The following GBE1 variants were observed in gnomAD, a reference collection of about 807,000 sequenced individuals.
GBE1 encodes 1,4-alpha-glucan-branching enzyme.
A neutral mutation model predicts 88.8 loss-of-function variants in GBE1; 70 were observed. The observed-to-expected ratio is 0.79, with a 90% CI of 0.65 to 0.96. The LOEUF (loss-of-function observed/expected upper bound fraction) is 0.96, where lower values mean the gene tolerates loss of function less well. Among genes scored for constraint, GBE1 ranks in the 40% least tolerant of loss-of-function variants. The pLI is 0.00. For synonymous variants in GBE1, 284 were observed against 300.1 expected, an observed-to-expected ratio of 0.95 and a Z score of 0.56; for missense variants, 872 against 871.0, an observed-to-expected ratio of 1.00 and a Z score of -0.01.
chr3:81,538,554 G>T lies in GBE1; in HGVS notation c.1619-1459C>A, dbSNP rs1489657342. Among the ~76,000 whole-genome samples, 3 of 151,930 alleles carry T rather than the reference G, an allele frequency of 2.0e-5. No individual in the cohort carries two copies. The East Asian group carries it at 5.8e-4, about 29-fold the overall frequency. ...TTAGGATGCTTTAAATTGACACAAG[G>T]AATGTCCCTCTGCTATATTTAAAGG... On this transcript the variant is annotated intron_variant, in intron 12 of 15. Coordinates refer to ENST00000429644, the MANE Select transcript of GBE1 (RefSeq NM_000158.4).
At chr3:81,704,915 C>T (rs1462523649) in intron 2 of GBE1, among the ~76,000 whole-genome samples, 2 of 151,988 alleles carry the variant, frequency 1.3e-5, no homozygotes, top group Admixed American at 1.3e-4. Flanking sequence ...AATGACAATG[C>T]TGACAAGATA....
At chr3:81,652,920 C>A (rs1417102929) in intron 3 of GBE1, among the ~76,000 whole-genome samples, 2 of 152,074 alleles carry the variant, frequency 1.3e-5, no homozygotes, top group Non-Finnish European at 2.9e-5. Context: ...AGTTCAAATT[C>A]CAGTCGGAAA....
At chr3:81,740,967 TA>T (rs1437189515) in intron 1 of GBE1, among the ~76,000 whole-genome samples, 1 of 152,088 alleles carries the variant, frequency 6.6e-6, no homozygotes, top group Admixed American at 6.5e-5. Flanking sequence ...GACAGGGATT[TA>T]AAAGGTTAAG....
chr3:81,520,119 T>C (rs931197116), intron 14 of GBE1, among the ~76,000 whole-genome samples: 6 of 151,556 alleles, frequency 4.0e-5, no homozygotes, highest in East Asian at 1.9e-4. Context: ...AAGGCCTCAG[T>C]CTCTACAACG....
chr3:81,575,390 T>C (rs1396231594), intron 12 of GBE1, among the ~76,000 whole-genome samples: 2 of 152,128 alleles, frequency 1.3e-5, no homozygotes. Flanking sequence ...AAATTCAAAA[T>C]TAGAATACAT....
At chr3:81,760,283 C>T (rs1706660994) in intron 1 of GBE1, among the ~76,000 whole-genome samples, 1 of 152,174 alleles carries the variant, frequency 6.6e-6, no homozygotes, top group African/African-American at 2.4e-5. Context: ...ATAGGAGTTC[C>T]TCAATAAACA....
chr3:81,742,741 G>A (rs545296802), intron 1 of GBE1, among the ~76,000 whole-genome samples: 39 of 152,156 alleles, frequency 2.6e-4, no homozygotes, highest in African/African-American at 8.9e-4. Context: ...AATTGCCCGA[G>A]GACTGTTAGG....
intron 7 of GBE1, among the ~76,000 whole-genome samples, chr3:81,641,010 TGA>T (rs1704670412): frequency 6.6e-6 from 1 of 152,128 alleles, no homozygotes; most frequent in African/African-American, 2.4e-5. Context: ...CAATGATGTA[TGA>T]TCCCTTTTGT....
At chr3:81,750,253 ATAGT>A (rs1237635015) in intron 1 of GBE1, among the ~76,000 whole-genome samples, 3 of 151,968 alleles carry the variant, frequency 2.0e-5, no homozygotes, top group African/African-American at 7.3e-5. Flanking sequence ...ATGAAGACTG[ATAGT>A]TACACATCTT....
chr3:81,609,221 A>G (rs1278435114), intron 7 of GBE1, among the ~76,000 whole-genome samples: 1 of 152,168 alleles, frequency 6.6e-6, no homozygotes, highest in East Asian at 1.9e-4. Context: ...AGTGCCTTTT[A>G]CTGAAAACTC....
At chr3:81,642,659 A>G in intron 7 of GBE1, 122 bp downstream of exon 7, 1 of 670,656 alleles carries the variant, frequency 1.5e-6, no homozygotes, top group East Asian at 2.7e-5. Context: ...CAACAAAAAT[A>G]AATCCAATTA....
chr3:81,698,728 T>C (rs1382685638), intron 2 of GBE1, among the ~76,000 whole-genome samples: 1 of 152,174 alleles, frequency 6.6e-6, no homozygotes, highest in Non-Finnish European at 1.5e-5. Flanking sequence ...TGTATACCTG[T>C]AGTAGACTAT....
intron 14 of GBE1, among the ~76,000 whole-genome samples, chr3:81,528,233 G>C (rs1702971661): frequency 7.4e-6 from 1 of 134,364 alleles, no homozygotes; most frequent in African/African-American, 2.8e-5. Flanking sequence ...GGGAGGAGGG[G>C]GGAGGGGGGA....
chr3:81,499,357 C>A, intron 14 of GBE1, 130 bp from the exon 15 acceptor site: 1 of 689,256 alleles, frequency 1.5e-6, no homozygotes, highest in Non-Finnish European at 2.7e-6. Context: ...GAACTCATTT[C>A]TTCTTTTATA....
Position 81,519,582 on chromosome 3 carries a change from T to TGG in GBE1, c.1934+15611_1934+15612dup, listed in dbSNP as rs71633680. 1.6e-3 allele frequency among the ~76,000 whole-genome samples: 237 copies of TGG among 150,390 alleles called. 1 individual carries two copies. The highest frequency in any genetic ancestry group is 0.014 in the Middle Eastern group (4 of 294). On this transcript the variant is annotated intron_variant, in intron 14 of 15. Transcript: ENST00000429644. ...CAACACAAACACTTTATAAATAAGC[T>TGG]GGGGGGGGTTAAAATTTCTATTGTA...
At chr3:81,691,631 T>C (rs1705522991) in intron 2 of GBE1, among the ~76,000 whole-genome samples, 2 of 151,690 alleles carry the variant, frequency 1.3e-5, no homozygotes, top group Non-Finnish European at 2.9e-5. Flanking sequence ...TAATAAAAAT[T>C]AGTGGCGTAT....
chr3:81,736,495 A>G (rs1464080063), intron 1 of GBE1, among the ~76,000 whole-genome samples: 6 of 152,134 alleles, frequency 3.9e-5, no homozygotes, highest in Non-Finnish European at 7.4e-5. Context: ...CATCCTCCTT[A>G]GTCTACTTAG....
intron 12 of GBE1, among the ~76,000 whole-genome samples, chr3:81,565,600 T>C (rs1490656595): frequency 3.3e-5 from 5 of 152,132 alleles, no homozygotes; most frequent in Admixed American, 6.6e-5. Context: ...CCTACAAAAT[T>C]ATCAAATGTC....
intron 3 of GBE1, among the ~76,000 whole-genome samples, chr3:81,669,702 T>C (rs934438909): frequency 2.0e-5 from 3 of 152,054 alleles, no homozygotes; most frequent in Non-Finnish European, 4.4e-5. Flanking sequence ...GGATTATTTA[T>C]ATTAAATTTT....
Sources: allele counts gnomAD v4.1 joint callset (sites outside exome capture counted in the v4.1 genomes callset), GRCh38; gene constraint gnomAD v4.1.1; transcripts MANE v1.5; gene names NCBI Gene and HGNC (gene_info 2026-07-23, HGNC 2026-07-21).